Variants in EFCAB6 observed in about 807,000 individuals in gnomAD.
The protein encoded by EFCAB6 is EF-hand calcium binding domain 6.
Under a neutral mutation model 169.8 loss-of-function variants are expected in EFCAB6, and 156 were observed. That is an observed-to-expected ratio of 0.92 (90% CI 0.81 to 1.05). EFCAB6 has a LOEUF of 1.05. Among genes scored for constraint, EFCAB6 ranks in the 50% least tolerant of loss-of-function variants. The pLI is 0.00. For synonymous variants in EFCAB6, 698 were observed against 676.4 expected, an observed-to-expected ratio of 1.03 and a Z score of -0.50; for missense variants, 1,800 against 1,829.1, an observed-to-expected ratio of 0.98 and a Z score of 0.29.
At chr22:43,784,591 GTATA>G (rs1198526845) in intron 2 of EFCAB6, among the ~76,000 whole-genome samples, 1 of 57,452 alleles carries the variant, frequency 1.7e-5, no homozygotes, top group African/African-American at 6.0e-5. Context: ...ACATATATAT[GTATA>G]TATACACATA....
At chr22:43,637,070 G>A (rs1042099643) in intron 17 of EFCAB6, among the ~76,000 whole-genome samples, 1 of 152,184 alleles carries the variant, frequency 6.6e-6, no homozygotes, top group Non-Finnish European at 1.5e-5. Context: ...TATCCAAAGA[G>A]GCCACATAGG....
chr22:43,807,400 C>G (rs1161775715), intron 2 of EFCAB6, among the ~76,000 whole-genome samples: 4 of 152,096 alleles, frequency 2.6e-5, no homozygotes, highest in Non-Finnish European at 5.9e-5. Context: ...AAAACTAATA[C>G]CCCCAAAATA....
intron 22 of EFCAB6, among the ~76,000 whole-genome samples, chr22:43,602,982 T>A (rs2052632991): frequency 1.3e-5 from 2 of 151,152 alleles, no homozygotes; most frequent in Admixed American, 6.6e-5. Context: ...GAAACTATGG[T>A]TTAATCATTT....
At chr22:43,599,509 CAAAAAAAAAAAAAAAAAAAAAAAAAA>C (rs58130994) in intron 23 of EFCAB6, among the ~76,000 whole-genome samples, 5 of 44,224 alleles carry the variant, frequency 1.1e-4, no homozygotes, top group African/African-American at 1.8e-4. Flanking sequence ...GATTCCATCT[CAAAAAAAAAAAAAAAAAAAAAAAAAA>C]AAAAAAAAAA....
intron 7 of EFCAB6, among the ~76,000 whole-genome samples, chr22:43,734,769 C>A (rs911803082): frequency 6.6e-6 from 1 of 151,974 alleles, no homozygotes; most frequent in East Asian, 1.9e-4. Context: ...AAAAGAGAAA[C>A]AGATGCTATT....
At chr22:43,768,218 C>A (rs181541849) in intron 4 of EFCAB6, among the ~76,000 whole-genome samples, 2 of 152,182 alleles carry the variant, frequency 1.3e-5, no homozygotes, top group African/African-American at 2.4e-5. Flanking sequence ...AACAAAGGTA[C>A]GGAGCAGATT....
chr22:43,737,154 C>G (rs1445294595), intron 6 of EFCAB6, among the ~76,000 whole-genome samples: 1 of 152,126 alleles, frequency 6.6e-6, no homozygotes, highest in Non-Finnish European at 1.5e-5. Context: ...AATGGCCTGA[C>G]GTGGCTGAAG....
chr22:43,720,916 C>T (rs66533958), intron 8 of EFCAB6, among the ~76,000 whole-genome samples: 6,659 of 152,190 alleles, frequency 0.044, 166 homozygotes, highest in Non-Finnish European at 0.054. Context: ...CATCCACATA[C>T]GAAATGAAGA....
intron 10 of EFCAB6, among the ~76,000 whole-genome samples, chr22:43,705,629 T>C (rs1424166907): frequency 2.6e-5 from 4 of 151,990 alleles, no homozygotes; most frequent in African/African-American, 7.2e-5. Flanking sequence ...GAACAACCAA[T>C]AGATAATAAA....
At chr22:43,739,258 G>A (rs1056124898) in intron 6 of EFCAB6, among the ~76,000 whole-genome samples, 8 of 152,198 alleles carry the variant, frequency 5.3e-5, no homozygotes, top group Non-Finnish European at 8.8e-5. Context: ...TGCTGTCCCA[G>A]CAGCCGCCTT....
rs2060502953 is a variant in EFCAB6 at position 43,744,743 on chromosome 22, C to T, written c.508-8750G>A. On this transcript the variant is annotated intron_variant, in intron 6 of 31. Transcript: ENST00000262726. The surrounding 1 kb of genome is among the most constrained non-coding windows in gnomAD (Gnocchi z 4.3). ...CCCCACGGACCCTATAGGAGAGCTT[C>T]CCAGAGAGGACCCAGATAAGGGAGA... Among the ~76,000 whole-genome samples the T allele has an allele frequency of 6.6e-6, 1 of 152,136 alleles. No individual in the cohort carries two copies. The highest frequency in any genetic ancestry group is 1.5e-5 in the Non-Finnish European group (1 of 68,028).
chr22:43,588,136 C>A (rs1172795091), intron 24 of EFCAB6, among the ~76,000 whole-genome samples: 3 of 152,096 alleles, frequency 2.0e-5, no homozygotes, highest in African/African-American at 4.8e-5. Flanking sequence ...ACATTGGGGG[C>A]CCCCAAGAAA....
Position 43,600,050 on chromosome 22 carries a change from G to A in EFCAB6, c.2876+19C>T, listed in dbSNP as rs768256156. On this transcript the variant is annotated intron_variant, in intron 23 of 31. Coordinates refer to ENST00000262726, the MANE Select transcript of EFCAB6 (RefSeq NM_022785.4). Reference sequence around the variant, plus strand: ...AAGGGGACTTCTAGATGATGGCCCCGTGATCCTTCCTCACTCACCTGGCTG... The same window carrying A: ...AAGGGGACTTCTAGATGATGGCCCCATGATCCTTCCTCACTCACCTGGCTG... 28 of 1,609,268 alleles carry A rather than the reference G, an allele frequency of 1.7e-5. No individual in the cohort carries two copies. The highest frequency in any genetic ancestry group is 6.6e-5 in the South Asian group (6 of 90,436).
At chr22:43,620,116 G>A (rs911808337) in intron 20 of EFCAB6, among the ~76,000 whole-genome samples, 1 of 152,054 alleles carries the variant, frequency 6.6e-6, no homozygotes, top group African/African-American at 2.4e-5. Flanking sequence ...TCAGGAGTTC[G>A]AGACCAGCAT....
intron 27 of EFCAB6, among the ~76,000 whole-genome samples, chr22:43,542,666 A>C (rs933818424): frequency 4.4e-4 from 67 of 152,048 alleles, no homozygotes; most frequent in African/African-American, 1.5e-3. Flanking sequence ...AGAGCCTCAG[A>C]ATGGGAGGGT....
At chr22:43,540,789 C>T (rs1408830166) in intron 27 of EFCAB6, among the ~76,000 whole-genome samples, 1 of 152,170 alleles carries the variant, frequency 6.6e-6, no homozygotes, top group Non-Finnish European at 1.5e-5. Flanking sequence ...AAACAGCTCA[C>T]CAGGTGACGC....
At chr22:43,556,748 C>T (rs2048730203) in intron 26 of EFCAB6, among the ~76,000 whole-genome samples, 2 of 152,154 alleles carry the variant, frequency 1.3e-5, no homozygotes, top group African/African-American at 4.8e-5. Context: ...TAAAGCTACA[C>T]ACATACACTA....
intron 17 of EFCAB6, among the ~76,000 whole-genome samples, chr22:43,658,714 G>C (rs1037510236): frequency 1.3e-5 from 2 of 152,246 alleles, no homozygotes; most frequent in Non-Finnish European, 2.9e-5. Context: ...CTCGGTGGAA[G>C]GACATTGCTG....
chr22:43,667,457 C>T (rs1392363451), intron 16 of EFCAB6, among the ~76,000 whole-genome samples, 185 bp from the exon 17 acceptor site: 1 of 152,068 alleles, frequency 6.6e-6, no homozygotes, highest in African/African-American at 2.4e-5. Flanking sequence ...GGTTCCAGGG[C>T]CAGAACTGGA....
Sources: allele counts gnomAD v4.1 joint callset (sites outside exome capture counted in the v4.1 genomes callset), GRCh38; gene constraint gnomAD v4.1.1; non-coding constraint Gnocchi (gnomAD v3.1); transcripts MANE v1.5; gene names NCBI Gene and HGNC (gene_info 2026-07-23, HGNC 2026-07-21).